L3MBTL3: variants seen among roughly 807,000 people sequenced by gnomAD.
L3MBTL3 encodes lethal(3)malignant brain tumor-like protein 3.
Under a neutral mutation model 102.3 loss-of-function variants are expected in L3MBTL3, and 27 were observed. The observed-to-expected ratio is 0.26, with a 90% confidence interval of 0.19 to 0.36. The LOEUF (loss-of-function observed/expected upper bound fraction) is 0.36, where lower values mean the gene tolerates loss of function less well. L3MBTL3 is among the 10% of genes least tolerant of loss of function. L3MBTL3 has a pLI of 1.00. For synonymous variants in L3MBTL3, 340 were observed against 320.9 expected (o/e 1.06, Z -0.64); for missense variants, 798 against 955.3 (o/e 0.84, Z 2.17).
intron 13 of L3MBTL3, among the ~76,000 whole-genome samples, chr6:130,077,133 T>A (rs953201477): frequency 2.0e-5 from 3 of 151,970 alleles, no homozygotes; most frequent in Non-Finnish European, 4.4e-5. Context: ...TATATGTTAT[T>A]TTTTCATTTT....
chr6:130,019,077 A>C (rs1018949940), intron 1 of L3MBTL3, among the ~76,000 whole-genome samples: 10 of 151,860 alleles, frequency 6.6e-5, no homozygotes, highest in Admixed American at 3.9e-4. Flanking sequence ...GGCCGTGCGG[A>C]AGGGAGCCGG....
intron 16 of L3MBTL3, among the ~76,000 whole-genome samples, chr6:130,087,409 T>C (rs1308165398): frequency 6.6e-6 from 1 of 152,138 alleles, no homozygotes; most frequent in East Asian, 1.9e-4. Flanking sequence ...AAATAAAATC[T>C]AGACAAGTAA....
At chr6:130,108,292 T>C (rs558284442) in intron 19 of L3MBTL3, among the ~76,000 whole-genome samples, 4 of 136,802 alleles carry the variant, frequency 2.9e-5, no homozygotes, top group Non-Finnish European at 6.2e-5. Flanking sequence ...TGGAGTGCAG[T>C]GGCGTGATCT....
intron 1 of L3MBTL3, among the ~76,000 whole-genome samples, chr6:130,021,411 G>C (rs1779007921): frequency 1.3e-5 from 2 of 152,222 alleles, no homozygotes; most frequent in Non-Finnish European, 2.9e-5. Context: ...TGAGGACTCA[G>C]ACCCTGTAAC....
Position 130,133,309 on chromosome 6 carries a change from G to GAGCC in L3MBTL3, c.1967-142_1967-139dup. 1.5e-6 allele frequency: 1 copy of GAGCC among 685,370 alleles called. No individual in the cohort carries two copies. Among genetic ancestry groups the GAGCC allele is most frequent in the Non-Finnish European group, 2.4e-6 (1 of 413,668 alleles). The allele number at this position is 685,370 out of a possible 1,614,324, so 42.5% of individuals were successfully genotyped here. On this transcript the variant is annotated intron_variant, in intron 20 of 22. Transcript: ENST00000361794. This position sits in a 1 kb window ranked among gnomAD's most constrained non-coding sequence, Gnocchi z 4.9. ...AGTGACCTTCAGTAAAGACAAAGAA[G>GAGCC]AGCCTATTCAATAGTATAATGCTGA... is the stretch of plus-strand genomic sequence containing the variant.
intron 15 of L3MBTL3, 65 bp from the exon 16 acceptor site, chr6:130,086,075 T>G: frequency 9.2e-7 from 1 of 1,091,862 alleles, no homozygotes; most frequent in Non-Finnish European, 1.4e-6. Flanking sequence ...TTCTTCTTCT[T>G]TGTAACATCA....
At chr6:130,097,076 C>T (rs1414727093) in intron 18 of L3MBTL3, among the ~76,000 whole-genome samples, 2 of 152,188 alleles carry the variant, frequency 1.3e-5, no homozygotes, top group Non-Finnish European at 2.9e-5. Context: ...ATCCCTTCTC[C>T]TCAGTCTTCG....
At chr6:130,051,481 G>T in intron 6 of L3MBTL3, 73 bp downstream of exon 6, 1 of 1,351,324 alleles carries the variant, frequency 7.4e-7, no homozygotes, top group Non-Finnish European at 1.0e-6. Flanking sequence ...GAATATAGAA[G>T]TTTTATGCTC....
At chr6:130,074,803 T>TC (rs1782850560) in intron 13 of L3MBTL3, among the ~76,000 whole-genome samples, 1 of 152,208 alleles carries the variant, frequency 6.6e-6, no homozygotes. Flanking sequence ...TACTTTGGTG[T>TC]CCCAGTGGAG....
intron 19 of L3MBTL3, among the ~76,000 whole-genome samples, chr6:130,110,744 T>A (rs1430247877): frequency 6.6e-6 from 1 of 152,228 alleles, no homozygotes; most frequent in African/African-American, 2.4e-5. Context: ...ATAGGAGTGA[T>A]GAGAGAGGGC....
In L3MBTL3 at chr6:130,133,358, C is replaced by T. The variant is rs1489134332; in HGVS notation, c.1967-94C>T. The T allele has an allele frequency of 1.2e-5, 14 of 1,208,254 alleles. No individual in the cohort carries two copies. In the Admixed American group the frequency reaches 1.3e-4, roughly 11 times the overall value. 74.8% of individuals were successfully genotyped at this position (1,208,254 alleles called of 1,614,324 possible). A position where few individuals can be genotyped will look rare whatever the true frequency, so the allele number is the denominator to read the frequency against. ...GAAAGGAACCAATGCTTTAACCACT[C>T]CCACCTCCAGTCTCGTTATCTGGGA... is the stretch of plus-strand genomic sequence containing the variant. On this transcript the variant is annotated intron_variant, in intron 20 of 22. Coordinates refer to ENST00000361794, the MANE Select transcript of L3MBTL3 (RefSeq NM_032438.4). The surrounding 1 kb of genome is among the most constrained non-coding windows in gnomAD (Gnocchi z 4.9).
intron 19 of L3MBTL3, among the ~76,000 whole-genome samples, chr6:130,114,505 A>G (rs1785542412): frequency 6.6e-6 from 1 of 152,154 alleles, no homozygotes. Flanking sequence ...AAGGCTTTTC[A>G]TTTAATAAGA....
At chr6:130,043,897 A>G (rs1054415030) in intron 3 of L3MBTL3, among the ~76,000 whole-genome samples, 4 of 152,192 alleles carry the variant, frequency 2.6e-5, no homozygotes, top group African/African-American at 9.6e-5. Flanking sequence ...TTTAACAAAA[A>G]TGTTGCACTG....
At chr6:130,043,394 T>C (rs908573184) in intron 3 of L3MBTL3, among the ~76,000 whole-genome samples, 8 of 152,190 alleles carry the variant, frequency 5.3e-5, no homozygotes, top group Non-Finnish European at 1.2e-4. Flanking sequence ...TCTGCTGCTT[T>C]TGTATAACCT....
intron 12 of L3MBTL3, among the ~76,000 whole-genome samples, chr6:130,068,676 T>G (rs1397970004): frequency 6.6e-6 from 1 of 152,224 alleles, no homozygotes; most frequent in Non-Finnish European, 1.5e-5. Context: ...GATTTACAAT[T>G]AAGATGCATA....
chr6:130,135,489 G>A (rs1039190570), intron 22 of L3MBTL3, among the ~76,000 whole-genome samples: 1 of 152,116 alleles, frequency 6.6e-6, no homozygotes, highest in South Asian at 2.1e-4. Flanking sequence ...AATTTATAAT[G>A]CATCTCTTTT....
intron 6 of L3MBTL3, 98 bp from the exon 7 acceptor site, chr6:130,052,761 G>C: frequency 7.0e-7 from 1 of 1,423,392 alleles, no homozygotes; most frequent in African/African-American, 1.4e-5. Context: ...TCCTTTGCAG[G>C]GTGATTTTTT....
chr6:130,051,223 T>A, intron 5 of L3MBTL3, 26 bp from the exon 6 acceptor site: 1 of 1,581,776 alleles, frequency 6.3e-7, no homozygotes, highest in African/African-American at 1.4e-5. Context: ...TGGTTGTAAT[T>A]TGCATTTCTT....
intron 8 of L3MBTL3, among the ~76,000 whole-genome samples, chr6:130,056,957 G>A (rs1434695251): frequency 2.0e-5 from 3 of 151,974 alleles, no homozygotes; most frequent in Admixed American, 6.6e-5. Flanking sequence ...TATCACTTAT[G>A]TATTCTTTTT....
Sources: gnomAD v4.1 joint callset for allele counts (sites outside exome capture counted in the v4.1 genomes callset) on GRCh38, gnomAD v4.1.1 for gene constraint, Gnocchi (gnomAD v3.1) non-coding constraint, MANE v1.5 for transcripts, NCBI Gene and HGNC (gene_info 2026-07-23, HGNC 2026-07-21) for gene names.